The following PPFIBP1 variants were observed in gnomAD, a reference collection of about 807,000 sequenced individuals.
PPFIBP1 encodes PPFIB scaffold protein 1.
Under a neutral mutation model 137.8 loss-of-function variants are expected in PPFIBP1, and 112 were observed. That is an observed-to-expected ratio of 0.81 (90% CI 0.70 to 0.95). PPFIBP1 has a LOEUF of 0.95. Among genes scored for constraint, PPFIBP1 ranks in the 40% least tolerant of loss-of-function variants. The pLI is 0.00. For synonymous variants in PPFIBP1, 378 were observed against 417.3 expected (o/e 0.91, Z 1.15); for missense variants, 1,083 against 1,196.6 (o/e 0.91, Z 1.40).
At chr12:27,692,078 C>A in intron 28 of PPFIBP1, 150 bp downstream of exon 28, 1 of 655,352 alleles carries the variant, frequency 1.5e-6, no homozygotes, top group Admixed American at 3.2e-5. Flanking sequence ...TCACTTATAT[C>A]TTCCAGGTAC....
intron 2 of PPFIBP1, among the ~76,000 whole-genome samples, chr12:27,616,278 A>G (rs1384983367): frequency 6.8e-6 from 1 of 147,692 alleles, no homozygotes; most frequent in African/African-American, 2.5e-5. Flanking sequence ...TATTTTGAGA[A>G]CCCCACTGGT....
rs184038738 is a variant in PPFIBP1, at chr12:27,612,315, G to A, written c.-35-21047G>A. Among the ~76,000 whole-genome samples the A allele has an allele frequency of 8.6e-4, 109 of 126,302 alleles. 1 individual carries two copies. Among genetic ancestry groups the A allele is most frequent in the African/African-American group, 2.9e-3 (105 of 35,934 alleles). The allele number at this position is 126,302 out of a possible 152,430, so 82.9% of individuals were successfully genotyped here. Reference sequence around the variant, plus strand: ...TCAGTCATACTTGTATGCTCCATCTGTACTTTATTGGTGTTTTTTTTTTTT... The same window carrying A: ...TCAGTCATACTTGTATGCTCCATCTATACTTTATTGGTGTTTTTTTTTTTT... On this transcript the variant is annotated intron_variant, in intron 2 of 29. Transcript: ENST00000228425.
chr12:27,658,941 C>A, intron 10 of PPFIBP1, 93 bp downstream of exon 10: 2 of 1,302,836 alleles, frequency 1.5e-6, no homozygotes, highest in Non-Finnish European at 2.2e-6. Context: ...TTTCTCTCAC[C>A]AAAGATGTAA....
chr12:27,581,056 G>A (rs1033102592), intron 2 of PPFIBP1, among the ~76,000 whole-genome samples: 7 of 151,910 alleles, frequency 4.6e-5, no homozygotes, highest in Non-Finnish European at 8.8e-5. Context: ...CATCATGCCC[G>A]GCTAGTTTTT....
intron 2 of PPFIBP1, among the ~76,000 whole-genome samples, chr12:27,582,414 T>G (rs573507476): frequency 1.2e-4 from 18 of 152,300 alleles, no homozygotes; most frequent in Non-Finnish European, 1.6e-4. Context: ...ATGTGTGGTT[T>G]AATGTTATGG....
At chr12:27,574,330 T>G (rs1420990033) in intron 1 of PPFIBP1, among the ~76,000 whole-genome samples, 5 of 152,066 alleles carry the variant, frequency 3.3e-5, no homozygotes, top group Non-Finnish European at 7.4e-5. Flanking sequence ...TGGTGGGGGG[T>G]AAGACTAGAT....
intron 13 of PPFIBP1, among the ~76,000 whole-genome samples, chr12:27,671,083 G>T (rs566022145): frequency 6.6e-6 from 1 of 151,960 alleles, no homozygotes; most frequent in East Asian, 1.9e-4. Flanking sequence ...GCAGGAGACT[G>T]CTTGAGCCGA....
At chr12:27,596,904 A>G (rs1217385429) in intron 2 of PPFIBP1, among the ~76,000 whole-genome samples, 3 of 152,200 alleles carry the variant, frequency 2.0e-5, no homozygotes, top group African/African-American at 4.8e-5. Context: ...AGATTCAAAC[A>G]TAGGTAGTCT....
At chr12:27,590,394 T>G (rs1565825931) in intron 2 of PPFIBP1, among the ~76,000 whole-genome samples, 1 of 152,148 alleles carries the variant, frequency 6.6e-6, no homozygotes, top group South Asian at 2.1e-4. Flanking sequence ...CAGGCTGGTC[T>G]CAAACTCCTG....
At chr12:27,646,277 A>G (rs1437813409) in intron 5 of PPFIBP1, 129 bp downstream of exon 5, 2 of 741,954 alleles carry the variant, frequency 2.7e-6, no homozygotes. Flanking sequence ...AGCCATCTGT[A>G]CACAATAGGG....
intron 6 of PPFIBP1, among the ~76,000 whole-genome samples, chr12:27,649,711 C>T (rs1410027838): frequency 1.3e-5 from 2 of 152,038 alleles, no homozygotes; most frequent in South Asian, 2.1e-4. Context: ...CCACTATGCC[C>T]GGCAAATTTT....
Position 27,681,557 on chromosome 12 carries a change from TG to T in PPFIBP1, c.1908del (p.Met636IlefsTer15). 6.2e-7 allele frequency: 1 copy of T among 1,614,126 alleles called. No homozygotes were observed. Among genetic ancestry groups the T allele is most frequent in the South Asian group, 1.1e-5 (1 of 91,072 alleles). ...DLGQSNSDLD[M>X]PFAKWTKEQV... is the part of the protein sequence containing the mutation. Reference sequence around the variant, plus strand: ...TCATTTTCCTGTAGTGACTTGGATATGCCATTTGCCAAGTGGACCAAGGAGC... The same window carrying T: ...TCATTTTCCTGTAGTGACTTGGATATCCATTTGCCAAGTGGACCAAGGAGC... On this transcript the variant is annotated frameshift_variant, in exon 22 of 30. Coordinates refer to ENST00000228425, the MANE Select transcript of PPFIBP1 (RefSeq NM_003622.4). LOFTEE classifies it high-confidence loss of function.
At chr12:27,593,303 T>G (rs12319323) in intron 2 of PPFIBP1, 367 of 357,314 alleles carry the variant, frequency 1.0e-3, no homozygotes, top group African/African-American at 7.5e-3. Flanking sequence ...CTGGTATCAC[T>G]TCGGGCCCCT....
At chr12:27,611,996 T>C (rs2055174668) in intron 2 of PPFIBP1, among the ~76,000 whole-genome samples, 1 of 152,378 alleles carries the variant, frequency 6.6e-6, no homozygotes, top group African/African-American at 2.4e-5. Flanking sequence ...GTGCTTTCAC[T>C]GGACACCTTG....
intron 2 of PPFIBP1, among the ~76,000 whole-genome samples, chr12:27,602,092 C>T (rs1198514231): frequency 6.6e-6 from 1 of 152,110 alleles, no homozygotes; most frequent in Non-Finnish European, 1.5e-5. Context: ...TGTGCTCTGT[C>T]CTTTGGTTGG....
chr12:27,583,561 C>G (rs2051364550), intron 2 of PPFIBP1, among the ~76,000 whole-genome samples: 1 of 152,244 alleles, frequency 6.6e-6, no homozygotes, highest in African/African-American at 2.4e-5. Flanking sequence ...TGAGGTCGCA[C>G]AGAGGCCTTT....
At chr12:27,600,361 G>A (rs1344126709) in intron 2 of PPFIBP1, among the ~76,000 whole-genome samples, 2 of 151,776 alleles carry the variant, frequency 1.3e-5, no homozygotes, top group African/African-American at 2.4e-5. Context: ...ACTTGAACCC[G>A]GGAGGCAGAA....
intron 1 of PPFIBP1, among the ~76,000 whole-genome samples, chr12:27,562,761 G>A (rs1361737383): frequency 6.6e-6 from 1 of 152,116 alleles, no homozygotes; most frequent in East Asian, 1.9e-4. Flanking sequence ...TCCTGGGCAA[G>A]TTATTTGACT....
intron 1 of PPFIBP1, among the ~76,000 whole-genome samples, chr12:27,551,642 G>A (rs1210857946): frequency 2.0e-5 from 3 of 152,286 alleles, no homozygotes; most frequent in Middle Eastern, 3.4e-3. Flanking sequence ...TTTAGGCTAC[G>A]GCGTGTAGTC....
Sources: gnomAD v4.1 joint callset for allele counts (sites outside exome capture counted in the v4.1 genomes callset) on GRCh38, gnomAD v4.1.1 for gene constraint, MANE v1.5 for transcripts, NCBI Gene and HGNC (gene_info 2026-07-23, HGNC 2026-07-21) for gene names.